The following CPNE4 variants were observed in gnomAD, a reference collection of about 807,000 sequenced individuals.
The protein encoded by CPNE4 is copine-4.
A neutral mutation model predicts 67.9 loss-of-function variants in CPNE4; 25 were observed. The ratio of observed to expected loss-of-function variants is 0.37; its 90% CI spans 0.27 to 0.51. The LOEUF (loss-of-function observed/expected upper bound fraction) is 0.51. Ranked by LOEUF, CPNE4 falls within the 20% of genes least tolerant of loss-of-function variation. The pLI, the probability that CPNE4 is intolerant of heterozygous loss-of-function variation, is 0.93. For synonymous variants in CPNE4, 242 were observed against 244.9 expected (o/e 0.99, Z 0.11); for missense variants, 464 against 690.8 (o/e 0.67, Z 3.68).
At chr3:131,588,068 AT>A (rs140193871) in intron 7 of CPNE4, among the ~76,000 whole-genome samples, 5,128 of 150,156 alleles carry the variant, frequency 0.034, 257 homozygotes, top group African/African-American at 0.12. Flanking sequence ...TTCTTTTTCT[AT>A]TTTTTTTTCT....
chr3:131,726,421 C>A (rs78174024), intron 2 of CPNE4, among the ~76,000 whole-genome samples: 1 of 151,998 alleles, frequency 6.6e-6, no homozygotes, highest in African/African-American at 2.4e-5. Context: ...AGACGATTTC[C>A]AAGGATAATC....
upstream of CPNE4, chr3:132,037,798 C>A (rs1394633397): frequency 1.8e-6 from 1 of 558,226 alleles, no homozygotes; most frequent in Non-Finnish European, 3.2e-6. Context: ...AAGTGAAATC[C>A]TGGAATGAAG....
intron 3 of CPNE4, among the ~76,000 whole-genome samples, chr3:131,721,521 G>T (rs1005812899): frequency 6.6e-6 from 1 of 151,114 alleles, no homozygotes; most frequent in African/African-American, 2.4e-5. Context: ...TCAGCCTCAC[G>T]AGTAGCTGGG....
At position 132,034,808 on chromosome 3, in the gene CPNE4, G is replaced by A. The variant is rs964565755; in HGVS notation, c.-243C>T. ...CGGAAACCCTGACTCCATTCTCGGT[G>A]ATGGGGGTGGGGGAAGAGGGTGAAA... On this transcript the variant is annotated 5_prime_UTR_variant, in exon 1 of 16. Coordinates refer to ENST00000429747, the MANE Select transcript of CPNE4 (RefSeq NM_130808.3). 1 of 985,634 alleles carries A rather than the reference G, an allele frequency of 1.0e-6. No individual in the cohort carries two copies. The allele number at this position is 985,634 out of a possible 1,614,324, so 61.1% of individuals were successfully genotyped here.
intron 2 of CPNE4, among the ~76,000 whole-genome samples, chr3:131,818,650 G>A (rs1420105099): frequency 6.6e-6 from 1 of 152,178 alleles, no homozygotes; most frequent in Non-Finnish European, 1.5e-5. Flanking sequence ...TCTCTATCTT[G>A]CATATTAAAG....
chr3:131,965,397 G>A (rs895871288), intron 1 of CPNE4, among the ~76,000 whole-genome samples: 3 of 152,160 alleles, frequency 2.0e-5, no homozygotes, highest in Admixed American at 6.5e-5. Flanking sequence ...ATGTAAATGG[G>A]CTAAATGCCC....
intron 1 of CPNE4, among the ~76,000 whole-genome samples, chr3:131,952,569 T>TGG (rs555766375): frequency 2.3e-4 from 18 of 78,466 alleles, no homozygotes; most frequent in African/African-American, 9.5e-4. Flanking sequence ...GGGAGGGAGG[T>TGG]GGGGGGGTCA....
chr3:131,988,462 T>C (rs963948092), intron 1 of CPNE4, among the ~76,000 whole-genome samples: 5 of 152,122 alleles, frequency 3.3e-5, no homozygotes, highest in Non-Finnish European at 2.9e-5. Flanking sequence ...AGAAAGAGGG[T>C]CAGTCTAGTA....
intron 2 of CPNE4, among the ~76,000 whole-genome samples, chr3:131,887,242 G>A (rs186366303): frequency 3.6e-4 from 55 of 152,204 alleles, no homozygotes; most frequent in African/African-American, 8.9e-4. Context: ...CTGCTTTTGC[G>A]TCTTCGTCAT....
At chr3:131,737,246 C>T (rs1018789489) in intron 2 of CPNE4, among the ~76,000 whole-genome samples, 14 of 151,154 alleles carry the variant, frequency 9.3e-5, no homozygotes, top group Non-Finnish European at 1.8e-4. Context: ...GCCTCAGCCT[C>T]CTGAGTAGCT....
intron 2 of CPNE4, among the ~76,000 whole-genome samples, chr3:131,819,165 C>T (rs1033050052): frequency 2.6e-5 from 4 of 152,126 alleles, no homozygotes; most frequent in East Asian, 3.9e-4. Context: ...AAAAGATATA[C>T]GATTCCAAAA....
intron 1 of CPNE4, among the ~76,000 whole-genome samples, chr3:131,972,673 G>C (rs924575193): frequency 2.0e-5 from 3 of 152,148 alleles, no homozygotes; most frequent in African/African-American, 7.2e-5. Flanking sequence ...ATATGGTACA[G>C]AGCTCTAAAT....
intron 1 of CPNE4, among the ~76,000 whole-genome samples, chr3:131,962,062 G>A (rs2072198361): frequency 6.6e-6 from 1 of 152,156 alleles, no homozygotes. Context: ...TGTTTGAAAT[G>A]CTCAGAATTC....
At chr3:131,610,177 T>C (rs67221023) in intron 7 of CPNE4, among the ~76,000 whole-genome samples, 23,869 of 152,062 alleles carry the variant, frequency 0.16, 2,348 homozygotes, top group African/African-American at 0.28. Flanking sequence ...TCACTGTAGA[T>C]AAAATGATGA....
chr3:131,557,361 A>G (rs1026516398), intron 11 of CPNE4, among the ~76,000 whole-genome samples: 1 of 152,082 alleles, frequency 6.6e-6, no homozygotes, highest in African/African-American at 2.4e-5. Context: ...GGAAAAAGGG[A>G]TGAGCCCCAC....
chr3:131,953,720 G>T (rs146964840), intron 1 of CPNE4, among the ~76,000 whole-genome samples: 1 of 152,182 alleles, frequency 6.6e-6, no homozygotes, highest in Non-Finnish European at 1.5e-5. Flanking sequence ...TGGAGTTAGA[G>T]AGTAGAATGA....
intron 7 of CPNE4, among the ~76,000 whole-genome samples, chr3:131,663,425 C>G (rs2107645690): frequency 6.6e-6 from 1 of 151,786 alleles, no homozygotes; most frequent in Non-Finnish European, 1.5e-5. Context: ...CCGTGTATAC[C>G]TACATAACAA....
chr3:131,937,608 T>C (rs1583479169), intron 1 of CPNE4, among the ~76,000 whole-genome samples: 1 of 152,230 alleles, frequency 6.6e-6, no homozygotes, highest in East Asian at 1.9e-4. Flanking sequence ...CAAAATAAAC[T>C]GTCAGTATTA....
chr3:131,836,036 A>C (rs971613427), intron 2 of CPNE4, among the ~76,000 whole-genome samples: 2 of 152,174 alleles, frequency 1.3e-5, no homozygotes, highest in African/African-American at 4.8e-5. Flanking sequence ...AACTGACCAC[A>C]ATCAACACAG....
Sources: allele counts gnomAD v4.1 joint callset (sites outside exome capture counted in the v4.1 genomes callset), GRCh38; gene constraint gnomAD v4.1.1; transcripts MANE v1.5; gene names NCBI Gene and HGNC (gene_info 2026-07-23, HGNC 2026-07-21).